The following HAAO variants were observed in gnomAD, a reference collection of about 807,000 sequenced individuals.
HAAO encodes the protein 3-hydroxyanthranilate 3,4-dioxygenase.
A neutral mutation model predicts 46.2 loss-of-function variants in HAAO; 49 were observed. That is an observed-to-expected ratio of 1.06 (90% CI 0.84 to 1.34). HAAO has a LOEUF of 1.34. Ranked by LOEUF, HAAO falls within the 40% of genes most tolerant of loss-of-function variation. HAAO has a pLI of 0.00. For synonymous variants in HAAO, 157 were observed against 145.2 expected (o/e 1.08, Z -0.58); for missense variants, 408 against 364.5 (o/e 1.12, Z -0.97).
chr2:42,770,059 G>T, intron 6 of HAAO, 84 bp downstream of exon 6: 1 of 1,333,410 alleles, frequency 7.5e-7, no homozygotes, highest in South Asian at 1.2e-5. Flanking sequence ...TTCAAAAAGA[G>T]ACTCCCCGGT....
At chr2:42,790,528 GTTTGTTTT>G (rs1558678686) in intron 1 of HAAO, among the ~76,000 whole-genome samples, 1 of 147,744 alleles carries the variant, frequency 6.8e-6, no homozygotes, top group Non-Finnish European at 1.5e-5. Flanking sequence ...AACCTGGAAA[GTTTGTTTT>G]TTTTTTTTTT....
At chr2:42,779,070 A>T (rs11124890) in intron 4 of HAAO, among the ~76,000 whole-genome samples, 1 of 151,576 alleles carries the variant, frequency 6.6e-6, no homozygotes, top group Admixed American at 6.6e-5. Flanking sequence ...CTGAGATCAC[A>T]CCATTGCACT....
intron 4 of HAAO, among the ~76,000 whole-genome samples, chr2:42,774,176 C>G (rs999447078): frequency 2.6e-5 from 4 of 152,222 alleles, no homozygotes; most frequent in African/African-American, 4.8e-5. Context: ...CTTGGGCACA[C>G]GTCAACAGGA....
At chr2:42,770,362 T>TC (rs1164652648) in intron 5 of HAAO, 131 bp downstream of exon 5, 7 of 881,758 alleles carry the variant, frequency 7.9e-6, no homozygotes, top group East Asian at 2.7e-5. Context: ...TGCTCCCCCC[T>TC]CCCCCCGGCC....
chr2:42,775,596 T>G (rs183976479), intron 4 of HAAO, among the ~76,000 whole-genome samples: 4 of 151,204 alleles, frequency 2.6e-5, no homozygotes, highest in East Asian at 1.9e-4. Flanking sequence ...GACCTTGTCT[T>G]TTTTTTTTGA....
intron 2 of HAAO, among the ~76,000 whole-genome samples, chr2:42,784,136 C>T (rs529826822): frequency 2.8e-4 from 43 of 152,302 alleles, no homozygotes; most frequent in African/African-American, 1.0e-3. Context: ...CGGGCAGGAA[C>T]TGGATGAAAT....
chr2:42,776,719 G>A (rs1250384453), intron 4 of HAAO, among the ~76,000 whole-genome samples: 1 of 146,544 alleles, frequency 6.8e-6, no homozygotes, highest in Non-Finnish European at 1.5e-5. Context: ...TGCAACTTCC[G>A]CCTCTTGGGT....
At chr2:42,785,652 A>G (rs1226129472) in intron 2 of HAAO, among the ~76,000 whole-genome samples, 1 of 152,088 alleles carries the variant, frequency 6.6e-6, no homozygotes, top group African/African-American at 2.4e-5. Context: ...ACTTGAGGCC[A>G]GGAGTGGAGA....
At position 42,769,872 on chromosome 2, in the gene HAAO, A is replaced by G. The variant is rs749115445; in HGVS notation, c.485-14T>C. Reference sequence around the variant, plus strand: ...TGAGCAGCTGGTCTGCACCCACAGCATGACTATAGTCGGTGTCCTCAGGAC... The same window carrying G: ...TGAGCAGCTGGTCTGCACCCACAGCGTGACTATAGTCGGTGTCCTCAGGAC... On this transcript the variant is annotated splice_polypyrimidine_tract_variant and intron_variant, in intron 6 of 9. Transcript: ENST00000294973. 1 of 1,601,084 alleles carries G rather than the reference A, an allele frequency of 6.2e-7. No homozygotes were observed. Among genetic ancestry groups the G allele is most frequent in the East Asian group, 2.2e-5 (1 of 44,806 alleles).
At chr2:42,768,053 C>T in intron 7 of HAAO, 125 bp from the exon 8 acceptor site, 2 of 784,144 alleles carry the variant, frequency 2.6e-6, no homozygotes, top group Non-Finnish European at 4.3e-6. Flanking sequence ...AGCCCCATCA[C>T]CATGTGCTGA....
intron 7 of HAAO, among the ~76,000 whole-genome samples, chr2:42,768,224 C>G (rs1483059853): frequency 1.3e-5 from 2 of 152,232 alleles, no homozygotes; most frequent in Admixed American, 1.3e-4. Context: ...CACCAGGGCA[C>G]ATGAGGGACG....
chr2:42,767,241 G>A lies in HAAO; in HGVS notation c.*196C>T. 4.9e-6 allele frequency: 3 copies of A among 615,934 alleles called. No individual in the cohort carries two copies. The highest frequency in any genetic ancestry group is 8.8e-6 in the Non-Finnish European group (3 of 341,574). The allele number at this position is 615,934 out of a possible 1,614,324, so 38.2% of individuals were successfully genotyped here. A position where few individuals can be genotyped will look rare whatever the true frequency, so the allele number is the denominator to read the frequency against. ...TGGGCTGAGTCTGCCAGAGAAGATG[G>A]GGAGCTGCTGCCCGCCCAGGGGCAT... On this transcript the variant is annotated 3_prime_UTR_variant, in exon 10 of 10. Coordinates refer to ENST00000294973, the MANE Select transcript of HAAO (RefSeq NM_012205.3).
At chr2:42,778,424 G>A (rs1366570814) in intron 4 of HAAO, among the ~76,000 whole-genome samples, 1 of 152,052 alleles carries the variant, frequency 6.6e-6, no homozygotes, top group Non-Finnish European at 1.5e-5. Flanking sequence ...CCACCTCCCA[G>A]GTTCAAACAA....
chr2:42,786,455 C>G (rs1329397114), intron 2 of HAAO, among the ~76,000 whole-genome samples: 1 of 152,162 alleles, frequency 6.6e-6, no homozygotes, highest in Non-Finnish European at 1.5e-5. Flanking sequence ...TCAGGCAGTC[C>G]AGGCAGAAAG....
At chr2:42,791,601 T>G (rs541936198) in intron 1 of HAAO, among the ~76,000 whole-genome samples, 1 of 152,048 alleles carries the variant, frequency 6.6e-6, no homozygotes, top group Non-Finnish European at 1.5e-5. Flanking sequence ...AAGTTACTTA[T>G]GAAAATCCCC....
intron 7 of HAAO, 103 bp from the exon 8 acceptor site, chr2:42,768,031 G>A: frequency 9.8e-7 from 1 of 1,016,544 alleles, no homozygotes; most frequent in South Asian, 1.3e-5. Context: ...GCAGGGTTGG[G>A]GCCCATGAAA....
At position 42,770,134 on chromosome 2, in the gene HAAO, C is replaced by A. The variant is rs758953283; in HGVS notation, c.484+9G>T. 1.2e-5 allele frequency: 19 copies of A among 1,602,526 alleles called. No individual in the cohort carries two copies. On this transcript the variant is annotated intron_variant, in intron 6 of 9. Coordinates refer to ENST00000294973, the MANE Select transcript of HAAO (RefSeq NM_012205.3). ...AGGGAAGGAGAAGGGCAGTTCCCAG[C>A]GGCCTCACCAGGGATGGGCTTTCCT...
intron 2 of HAAO, among the ~76,000 whole-genome samples, chr2:42,788,067 C>T (rs1055794577): frequency 4.6e-5 from 7 of 152,288 alleles, no homozygotes; most frequent in African/African-American, 1.4e-4. Context: ...CTAGCTCCTC[C>T]TCCCTCAGCC....
chr2:42,783,263 C>T, intron 4 of HAAO, 51 bp downstream of exon 4: 1 of 1,085,336 alleles, frequency 9.2e-7, no homozygotes, highest in Non-Finnish European at 1.4e-6. Flanking sequence ...TGGAGCTGTG[C>T]TCCTCTGCTG....
Sources: gnomAD v4.1 joint callset for allele counts (sites outside exome capture counted in the v4.1 genomes callset) on GRCh38, gnomAD v4.1.1 for gene constraint, MANE v1.5 for transcripts, NCBI Gene and HGNC (gene_info 2026-07-23, HGNC 2026-07-21) for gene names.